Variants in GABRG2 observed in about 807,000 individuals in gnomAD.
The protein encoded by GABRG2 is gamma-aminobutyric acid type A receptor subunit gamma2.
GABRG2 carries 16 observed loss-of-function variants against 56.4 expected under a neutral mutation model. That is an observed-to-expected ratio of 0.28 (90% CI 0.19 to 0.43). The LOEUF (loss-of-function observed/expected upper bound fraction) is 0.43, where lower values mean the gene tolerates loss of function less well. Among genes scored for constraint, GABRG2 ranks in the 20% least tolerant of loss-of-function variants. GABRG2 has a pLI of 1.00. For missense variants in GABRG2, 327 were observed against 582.7 expected (o/e 0.56, Z 4.52); for synonymous variants, 208 against 205.5 (o/e 1.01, Z -0.10).
intron 6 of GABRG2, among the ~76,000 whole-genome samples, chr5:162,136,943 A>AT (rs993412944): frequency 1.3e-5 from 2 of 152,112 alleles, no homozygotes; most frequent in African/African-American, 4.8e-5. Flanking sequence ...TTAGCTATAT[A>AT]TTTTTTCCCT....
intron 6 of GABRG2, among the ~76,000 whole-genome samples, chr5:162,117,710 G>A (rs1313290586): frequency 6.6e-6 from 1 of 152,072 alleles, no homozygotes; most frequent in African/African-American, 2.4e-5. Context: ...AAGTGTAGGG[G>A]ACCCCAAGCA....
At position 162,124,958 on chromosome 5, in the gene GABRG2, A is replaced by ATGTGTGTGTG. The variant is rs55993809; in HGVS notation, c.770-17178_770-17169dup. On this transcript the variant is annotated intron_variant, in intron 6 of 9. Coordinates refer to ENST00000639213, the MANE Select transcript of GABRG2 (RefSeq NM_198904.4). ...TTGCTGTTCTTTCTGGTATAAAGAGATGTGTGTGTGTGTGTGTGTGTGTGT... is the reference window on the plus strand; with the variant it reads ...TTGCTGTTCTTTCTGGTATAAAGAGATGTGTGTGTGTGTGTGTGTGTGTGTGTGTGTGTGT... 4.3e-3 allele frequency among the ~76,000 whole-genome samples: 623 copies of ATGTGTGTGTG among 143,966 alleles called. 4 individuals are homozygous for ATGTGTGTGTG. Among genetic ancestry groups the ATGTGTGTGTG allele is most frequent in the African/African-American group, 0.013 (530 of 39,266 alleles). The allele number at this position is 143,966 out of a possible 152,430, so 94.4% of individuals were successfully genotyped here.
Position 162,153,536 on chromosome 5 carries a change from C to A in GABRG2, c.*168C>A. The A allele has an allele frequency of 1.2e-6, 1 of 844,718 alleles. No homozygotes were observed. Among genetic ancestry groups the A allele is most frequent in the Non-Finnish European group, 1.9e-6 (1 of 524,966 alleles). 52.3% of individuals were successfully genotyped at this position (844,718 alleles called of 1,614,324 possible). A position where few individuals can be genotyped will look rare whatever the true frequency, so the allele number is the denominator to read the frequency against. On this transcript the variant is annotated 3_prime_UTR_variant, in exon 10 of 10. Transcript: ENST00000639213. ...TGTCATATTGTTTGTGCCCAGCCCT[C>A]CTTTGGTTAGTGTACTTTGAACTTC...
chr5:162,079,181 A>T (rs1002806126), intron 1 of GABRG2, among the ~76,000 whole-genome samples: 9 of 152,126 alleles, frequency 5.9e-5, no homozygotes, highest in Non-Finnish European at 1.3e-4. Flanking sequence ...TCCATGATGG[A>T]AGTCCTCTTG....
At chr5:162,114,833 A>G (rs147084173) in intron 6 of GABRG2, among the ~76,000 whole-genome samples, 4 of 152,334 alleles carry the variant, frequency 2.6e-5, no homozygotes, top group Non-Finnish European at 4.4e-5. Context: ...ATAAAATTGC[A>G]AAGTTCTATA....
rs1160746956 is a variant in GABRG2, at chr5:162,068,057, T to C, written c.58T>C (p.Ser20Pro). The change falls in exon 1 of 10, where the codon TCA becomes CCA. Residue 20 changes from serine (S) to proline (P), a missense_variant. By Grantham distance (74) the Ser-to-Pro change is moderately conservative. This residue lies in a region of GABRG2 where 73 missense variants were observed against 72.2 expected (regional missense o/e 1.01). Transcript: ENST00000639213. ...GSSVYSTPVF[S>P]QKMTVWILLL... ...CTCAGTCTACTCGACTCCTGTATTT[T>C]CACAGAAAATGACGGTGTGGATTCT... The C allele has an allele frequency of 1.2e-6, 2 of 1,613,736 alleles. No individual in the cohort carries two copies. The highest frequency in any genetic ancestry group is 1.7e-6 in the Non-Finnish European group (2 of 1,179,844).
In GABRG2 at chr5:162,154,634, G is replaced by A. The variant is rs1765593319; in HGVS notation, c.*1266G>A. Reference sequence around the variant, plus strand: ...AACAATATTTATGTCCTATGTTTGTGTATAGACATGACTCTACTAGGGCAT... The same window carrying A: ...AACAATATTTATGTCCTATGTTTGTATATAGACATGACTCTACTAGGGCAT... On this transcript the variant is annotated 3_prime_UTR_variant, in exon 10 of 10. Transcript: ENST00000639213. The A allele has an allele frequency of 6.6e-6, 1 of 152,076 alleles. No homozygotes were observed. Among genetic ancestry groups the A allele is most frequent in the South Asian group, 2.1e-4 (1 of 4,824 alleles). The allele number at this position is 152,076 out of a possible 1,614,324, so 9.4% of individuals were successfully genotyped here.
chr5:162,089,115 A>G (rs1760361700), intron 1 of GABRG2, among the ~76,000 whole-genome samples: 1 of 152,132 alleles, frequency 6.6e-6, no homozygotes, highest in Admixed American at 6.6e-5. Context: ...GGTCTCTACG[A>G]TGGGATGTTT....
chr5:162,110,438 T>A (rs1262423428), intron 6 of GABRG2, among the ~76,000 whole-genome samples: 1 of 152,114 alleles, frequency 6.6e-6, no homozygotes, highest in Non-Finnish European at 1.5e-5. Flanking sequence ...AATGTTTACA[T>A]ATGAATAAAA....
intron 6 of GABRG2, among the ~76,000 whole-genome samples, chr5:162,115,009 T>C (rs1412649931): frequency 6.6e-6 from 1 of 151,926 alleles, no homozygotes; most frequent in Non-Finnish European, 1.5e-5. Context: ...GCATTGTCAA[T>C]CAAACTGATA....
intron 6 of GABRG2, among the ~76,000 whole-genome samples, chr5:162,121,846 C>T (rs1762998507): frequency 6.6e-6 from 1 of 151,930 alleles, no homozygotes; most frequent in Admixed American, 6.6e-5. Context: ...ACAGAAAGAG[C>T]ATCAATGTGT....
rs1758461750 is a variant in GABRG2, at chr5:162,069,060, G to A, written c.107+954G>A. On this transcript the variant is annotated intron_variant, in intron 1 of 9. Coordinates refer to ENST00000639213, the MANE Select transcript of GABRG2 (RefSeq NM_198904.4). ...AAAAAAAAAGGTAAGGCTGGAGACT[G>A]GACTCCTGAAAACCCTGAGAATGTG... 2.0e-5 allele frequency among the ~76,000 whole-genome samples: 3 copies of A among 152,106 alleles called. No individual in the cohort carries two copies. The South Asian group carries it at 6.2e-4, about 32-fold the overall frequency.
chr5:162,127,623 G>T (rs1470028475), intron 6 of GABRG2, among the ~76,000 whole-genome samples: 1 of 151,794 alleles, frequency 6.6e-6, no homozygotes, highest in Non-Finnish European at 1.5e-5. Flanking sequence ...ATCCTCCTAT[G>T]CACCATGATA....
At chr5:162,149,080 TGAC>T in intron 7 of GABRG2, 25 bp from the exon 8 acceptor site, 1 of 1,605,752 alleles carries the variant, frequency 6.2e-7, no homozygotes, top group Non-Finnish European at 8.5e-7. Flanking sequence ...TGCAATCACA[TGAC>T]CTGTATTATT....
intron 1 of GABRG2, among the ~76,000 whole-genome samples, chr5:162,070,842 A>C (rs954868072): frequency 1.3e-5 from 2 of 151,922 alleles, no homozygotes; most frequent in Non-Finnish European, 2.9e-5. Context: ...TGGGGAGAAA[A>C]GGAATATTCA....
chr5:162,093,937 C>G lies in GABRG2; in HGVS notation c.217C>G (p.Leu73Val). The G allele has an allele frequency of 6.2e-7, 1 of 1,613,320 alleles. No homozygotes were observed. Among genetic ancestry groups the G allele is most frequent in the Non-Finnish European group, 8.5e-7 (1 of 1,179,530 alleles). The change falls in exon 2 of 10, where the codon CTG (leucine) becomes GTG (valine). Residue 73 changes from leucine to valine, a missense_variant. Physicochemically the swap from Leu to Val is conservative, Grantham distance 32 (BLOSUM62 1). Transcript: ENST00000639213. ...TGATGTCACTGTCATCTTAAACAAC[C>G]TGCTGGAAGGATATGACAATAAACT... ...EGDVTVILNN[L>V]LEGYDNKLRP...
chr5:162,124,823 A>G (rs1763215633), intron 6 of GABRG2, among the ~76,000 whole-genome samples: 2 of 151,882 alleles, frequency 1.3e-5, no homozygotes, highest in South Asian at 4.1e-4. Flanking sequence ...GCTAATAAAT[A>G]GAAGAATTGA....
At chr5:162,138,446 G>T (rs1188893613) in intron 6 of GABRG2, among the ~76,000 whole-genome samples, 1 of 152,064 alleles carries the variant, frequency 6.6e-6, no homozygotes, top group African/African-American at 2.4e-5. Context: ...TGTCTATCTG[G>T]GTTGTAGAAA....
intron 6 of GABRG2, among the ~76,000 whole-genome samples, chr5:162,123,449 T>C (rs1414033654): frequency 6.6e-6 from 1 of 151,852 alleles, no homozygotes; most frequent in African/African-American, 2.4e-5. Flanking sequence ...AATTTTCATA[T>C]GGAACTTGAT....
Sources: gnomAD v4.1 joint callset for allele counts (sites outside exome capture counted in the v4.1 genomes callset) on GRCh38, gnomAD v4.1.1 for gene constraint, gnomAD v4.1.1 regional missense constraint, MANE v1.5 for transcripts, NCBI Gene and HGNC (gene_info 2026-07-23, HGNC 2026-07-21) for gene names.